CPXM2: variants seen among roughly 807,000 people sequenced by gnomAD.
CPXM2 encodes inactive carboxypeptidase-like protein X2.
Under a neutral mutation model 86.1 loss-of-function variants are expected in CPXM2, and 66 were observed. The observed-to-expected ratio is 0.77, with a 90% CI of 0.63 to 0.94. The LOEUF (loss-of-function observed/expected upper bound fraction) is 0.94. CPXM2 is among the 40% of genes least tolerant of loss of function. The probability of loss-of-function intolerance (pLI) is 0.00; values close to 1 mark genes in which losing one functional copy is unlikely to be tolerated. For synonymous variants in CPXM2, 388 were observed against 400.2 expected, an observed-to-expected ratio of 0.97 and a Z score of 0.36; for missense variants, 948 against 1,026.3, an observed-to-expected ratio of 0.92 and a Z score of 1.04.
At chr10:123,808,379 AC>A (rs1431383141) in intron 4 of CPXM2, among the ~76,000 whole-genome samples, 6 of 151,394 alleles carry the variant, frequency 4.0e-5, no homozygotes, top group African/African-American at 1.5e-4. Context: ...AACAACAACA[AC>A]AACAACAACA....
chr10:123,875,940 C>A (rs1944979289), intron 2 of CPXM2, among the ~76,000 whole-genome samples: 1 of 151,396 alleles, frequency 6.6e-6, no homozygotes, highest in Non-Finnish European at 1.5e-5. Flanking sequence ...TCTCAGCCTC[C>A]CAAGCATCTG....
chr10:123,901,759 T>G (rs991071332), intron 2 of CPXM2, among the ~76,000 whole-genome samples: 3 of 152,120 alleles, frequency 2.0e-5, no homozygotes, highest in East Asian at 1.9e-4. Context: ...CTTCGGGACT[T>G]TCACAGAGCA....
At chr10:123,910,222 C>A (rs987408894) in intron 2 of CPXM2, among the ~76,000 whole-genome samples, 10 of 152,186 alleles carry the variant, frequency 6.6e-5, no homozygotes, top group African/African-American at 2.4e-4. Flanking sequence ...CTCACCCATG[C>A]CAGACAGGTG....
rs1419796814 is a variant in CPXM2 at position 123,762,024 on chromosome 10, G to A, written c.1625C>T (p.Thr542Ile). 4 of 1,612,398 alleles carry A rather than the reference G, an allele frequency of 2.5e-6. No homozygotes were observed. The highest frequency in any genetic ancestry group is 1.1e-5 in the South Asian group (1 of 91,056). The change falls in exon 11 of 14, where the codon ACC becomes ATC. Residue 542 changes from threonine (T) to isoleucine (I), a missense_variant. Transcript: ENST00000241305. ...CCAGCGGAACACGTGGTCGTCGGGG[G>A]TGGGGGTGTGTTCCTGCGTCTTCCA... is the stretch of plus-strand genomic sequence containing the variant. ...SPWKTQEHTP[T>I]PDDHVFRWLA...
At chr10:123,762,842 A>G (rs1846376969) in intron 10 of CPXM2, among the ~76,000 whole-genome samples, 1 of 152,262 alleles carries the variant, frequency 6.6e-6, no homozygotes. Flanking sequence ...CAGTAAGATC[A>G]AATCGACAAT....
intron 1 of CPXM2, among the ~76,000 whole-genome samples, chr10:123,890,667 T>C (rs550009611): frequency 3.9e-5 from 6 of 152,312 alleles, no homozygotes; most frequent in African/African-American, 1.4e-4. Context: ...GAAGTCATTT[T>C]CCTAAGAAAA....
chr10:123,785,634 CTT>C (rs34924886), intron 6 of CPXM2, among the ~76,000 whole-genome samples: 42 of 136,682 alleles, frequency 3.1e-4, no homozygotes, highest in Middle Eastern at 3.8e-3. Flanking sequence ...ACTTTAGCTT[CTT>C]TTTTTTTTTT....
chr10:123,900,650 C>T (rs1026163875), intron 2 of CPXM2, among the ~76,000 whole-genome samples: 13 of 152,126 alleles, frequency 8.5e-5, no homozygotes, highest in East Asian at 3.8e-4. Flanking sequence ...GGAGAGCAGA[C>T]GCATGCTCCT....
intron 2 of CPXM2, chr10:123,931,739 T>G (rs1027537538): frequency 1.3e-5 from 2 of 152,248 alleles, no homozygotes; most frequent in Non-Finnish European, 2.9e-5. Context: ...AATTATTACA[T>G]TTTTAGATTA....
chr10:123,808,227 C>T (rs1252532144), intron 4 of CPXM2, among the ~76,000 whole-genome samples: 1 of 152,062 alleles, frequency 6.6e-6, no homozygotes, highest in Non-Finnish European at 1.5e-5. Context: ...CTATCATTAA[C>T]AAAAGGAAAG....
At chr10:123,772,655 T>A (rs1243769971) in intron 7 of CPXM2, among the ~76,000 whole-genome samples, 1 of 151,246 alleles carries the variant, frequency 6.6e-6, no homozygotes, top group East Asian at 2.0e-4. Flanking sequence ...CACCTCCCTC[T>A]TTGTGGTCAT....
chr10:123,807,074 C>T (rs1371363230), intron 4 of CPXM2, among the ~76,000 whole-genome samples: 1 of 152,174 alleles, frequency 6.6e-6, no homozygotes, highest in Non-Finnish European at 1.5e-5. Context: ...TGGGGTAATG[C>T]AAGTAGTCTG....
chr10:123,839,658 A>G (rs1848345389), intron 4 of CPXM2, among the ~76,000 whole-genome samples: 1 of 152,224 alleles, frequency 6.6e-6, no homozygotes, highest in Non-Finnish European at 1.5e-5. Flanking sequence ...TCATGGCAAG[A>G]GAGAAAGGGA....
intron 2 of CPXM2, among the ~76,000 whole-genome samples, chr10:123,897,545 G>A (rs185248999): frequency 4.6e-5 from 7 of 152,302 alleles, no homozygotes; most frequent in Admixed American, 1.3e-4. Flanking sequence ...GAGCTTGGGC[G>A]GAGTGGCATA....
intron 12 of CPXM2, among the ~76,000 whole-genome samples, chr10:123,756,168 G>A (rs759260777): frequency 1.3e-5 from 2 of 152,220 alleles, no homozygotes; most frequent in Non-Finnish European, 2.9e-5. Flanking sequence ...ACCCATGGAA[G>A]GGGAACCTTG....
At chr10:123,925,794 C>A (rs1163769511) in intron 2 of CPXM2, among the ~76,000 whole-genome samples, 1 of 152,168 alleles carries the variant, frequency 6.6e-6, no homozygotes, top group African/African-American at 2.4e-5. Context: ...TAGTGACAAC[C>A]TACTAAGTGT....
At chr10:123,782,978 C>A (rs961689426) in intron 6 of CPXM2, among the ~76,000 whole-genome samples, 3 of 152,226 alleles carry the variant, frequency 2.0e-5, no homozygotes, top group African/African-American at 7.2e-5. Flanking sequence ...CCTCAGTGCT[C>A]ATTATACACT....
At position 123,761,934 on chromosome 10, in the gene CPXM2, G is replaced by T; in HGVS notation, c.1715C>A (p.Thr572Lys). ...MTDARRRVCH[T>K]EDFQKEEGTV... is the part of the protein sequence containing the mutation. ...GCCCTCCTCCTTCTGGAAGTCCTCC[G>T]TGTGGCACACCCTCCTCCGGGCGTC... The change falls in exon 11 of 14, where the codon ACG becomes AAG. Residue 572 changes from threonine to lysine, a missense_variant. Physicochemically the swap from Thr to Lys is moderately conservative, Grantham distance 78. Coordinates refer to ENST00000241305, the MANE Select transcript of CPXM2 (RefSeq NM_198148.3). 1 of 1,613,816 alleles carries T rather than the reference G, an allele frequency of 6.2e-7. No homozygotes were observed. The highest frequency in any genetic ancestry group is 1.7e-5 in the Admixed American group (1 of 59,984).
chr10:123,768,260 C>A (rs1846533656), intron 9 of CPXM2, among the ~76,000 whole-genome samples: 1 of 152,108 alleles, frequency 6.6e-6, no homozygotes, highest in Non-Finnish European at 1.5e-5. Flanking sequence ...CGGCCGTAAT[C>A]CCAGCTACTT....
Sources: allele counts gnomAD v4.1 joint callset (sites outside exome capture counted in the v4.1 genomes callset), GRCh38; gene constraint gnomAD v4.1.1; transcripts MANE v1.5; gene names NCBI Gene and HGNC (gene_info 2026-07-23, HGNC 2026-07-21).